DNAH1: variants seen among roughly 807,000 people sequenced by gnomAD.
DNAH1 encodes the protein dynein axonemal heavy chain 1.
In DNAH1, 327 loss-of-function variants were observed where a neutral mutation model predicts 484.3. The observed-to-expected ratio is 0.68, with a 90% CI of 0.62 to 0.74. DNAH1 has a LOEUF of 0.74. DNAH1 is among the 30% of genes least tolerant of loss of function. DNAH1 has a pLI of 0.00. For missense variants in DNAH1, 5,052 were observed against 5,546.8 expected, an observed-to-expected ratio of 0.91 and a Z score of 2.83; for synonymous variants, 2,192 against 2,191.9, an observed-to-expected ratio of 1.00 and a Z score of 0.00.
chr3:52,361,794 C>A lies in DNAH1; in HGVS notation c.4980+28C>A. 1 of 1,571,896 alleles carries A rather than the reference C, an allele frequency of 6.4e-7. No individual in the cohort carries two copies. ...GAGCCCGGGGGACCCACCTTACTCCCTCAGATCTGCCATACTCACGCCGCC... is the reference window on the plus strand; with the variant it reads ...GAGCCCGGGGGACCCACCTTACTCCATCAGATCTGCCATACTCACGCCGCC... On this transcript the variant is annotated intron_variant, in intron 30 of 77. Coordinates refer to ENST00000420323, the MANE Select transcript of DNAH1 (RefSeq NM_015512.5). The surrounding 1 kb of genome is among the most constrained non-coding windows in gnomAD (Gnocchi z 5.6).
At chr3:52,312,291 T>C (rs1370033566), upstream of DNAH1, among the ~76,000 whole-genome samples, 1 of 151,950 alleles carries the variant, frequency 6.6e-6, no homozygotes, top group Non-Finnish European at 1.5e-5. Context: ...TGAGGCCAGG[T>C]TGGGAAGAGA....
chr3:52,337,644 A>G (rs1412010254), intron 8 of DNAH1, among the ~76,000 whole-genome samples: 1 of 152,032 alleles, frequency 6.6e-6, no homozygotes, highest in Non-Finnish European at 1.5e-5. Context: ...TCTCTACATT[A>G]TATGTTTTCT....
chr3:52,374,542 TC>T, intron 44 of DNAH1: 2 of 1,498,312 alleles, frequency 1.3e-6, no homozygotes, highest in East Asian at 2.3e-5. Flanking sequence ...GAGCCCCTCT[TC>T]CGGCAGTTGG....
At chr3:52,376,131 GC>G in intron 46 of DNAH1, 138 bp downstream of exon 46, 1 of 1,089,048 alleles carries the variant, frequency 9.2e-7, no homozygotes, top group African/African-American at 1.6e-5. Flanking sequence ...CCACTAGGGT[GC>G]CAGAGCGAAG....
At chr3:52,328,641 G>A (rs1701438218) in intron 6 of DNAH1, among the ~76,000 whole-genome samples, 1 of 152,262 alleles carries the variant, frequency 6.6e-6, no homozygotes, top group Admixed American at 6.5e-5. Context: ...CCCAGGGAGT[G>A]CCCTTGGCTG....
rs772617206 is a variant in DNAH1 at position 52,370,224 on chromosome 3, A to G, written c.6253A>G (p.Arg2085Gly). ...CTGCTTCTTCAAGCCCTTTCTGCCT[A>G]GAGAGGTACAGCCCTGAGAGTGGGG... Reference protein sequence around the residue: ...LDCFFKPFLPREGLKKIPSEK... With the variant: ...LDCFFKPFLPGEGLKKIPSEK... Residue 2085 changes from arginine to glycine, a missense_variant, in exon 39 of 78, where the codon AGA (arginine) becomes GGA (glycine). Transcript: ENST00000420323. 4 of 1,613,658 alleles carry G rather than the reference A, an allele frequency of 2.5e-6. No individual in the cohort carries two copies. In the African/African-American group the frequency reaches 4.0e-5, roughly 16 times the overall value.
chr3:52,389,475 G>A lies in DNAH1; in HGVS notation c.9510G>A (p.Thr3170=), dbSNP rs200441145. 2.4e-5 allele frequency: 39 copies of A among 1,609,902 alleles called. No individual in the cohort carries two copies. Among genetic ancestry groups the A allele is most frequent in the East Asian group, 1.1e-4 (5 of 44,694 alleles). ...YLGPFTGQYR[T]VLYDSWVKQL... The stretch of plus-strand genomic sequence containing the variant: ...CATCTCCCCAGGGCCAGTACCGCAC[G>A]GTGCTCTACGACAGCTGGGTCAAGC... The change falls in exon 60 of 78, where the codon ACG becomes ACA. Residue 3170 remains threonine, a synonymous_variant. Coordinates refer to ENST00000420323, the MANE Select transcript of DNAH1 (RefSeq NM_015512.5).
intron 56 of DNAH1, 106 bp from the exon 57 acceptor site, chr3:52,388,060 AG>A: frequency 2.9e-6 from 4 of 1,402,344 alleles, no homozygotes; most frequent in Non-Finnish European, 3.9e-6. Flanking sequence ...AGGCCTGCAC[AG>A]GGCATAAAAG....
Position 52,370,701 on chromosome 3 carries a change from C to T in DNAH1, c.6418-17C>T. On this transcript the variant is annotated splice_polypyrimidine_tract_variant and intron_variant, in intron 40 of 77. Transcript: ENST00000420323. ...TACTGGGCCTCACAGCCTGCTTCTCCTCCTGGTTCCCGGCAGCTGACTCTG... is the reference window on the plus strand; with the variant it reads ...TACTGGGCCTCACAGCCTGCTTCTCTTCCTGGTTCCCGGCAGCTGACTCTG... The T allele has an allele frequency of 6.3e-7, 1 of 1,597,336 alleles. No individual in the cohort carries two copies. Among genetic ancestry groups the T allele is most frequent in the Admixed American group, 1.8e-5 (1 of 56,752 alleles).
Position 52,381,805 on chromosome 3 carries a change from C to G in DNAH1, c.7774C>G (p.Arg2592Gly), listed in dbSNP as rs983098291. The G allele has an allele frequency of 6.2e-7, 1 of 1,601,736 alleles. No homozygotes were observed. Reference protein sequence around the residue: ...ALLLGVGGSGRSSLTRLASHM... With the variant: ...ALLLGVGGSGGSSLTRLASHM... ...CCTGCTGGGCGTGGGTGGCAGCGGC[C>G]GCAGCTCCCTCACAAGGCTCGCCTC... Residue 2592 changes from arginine to glycine, a missense_variant, in exon 49 of 78, where the codon CGC becomes GGC. Around this residue, in one of 4 missense-constraint regions of DNAH1, gnomAD observed 2,929 missense variants for 3,409.4 expected, o/e 0.86. Coordinates refer to ENST00000420323, the MANE Select transcript of DNAH1 (RefSeq NM_015512.5). The surrounding 1 kb of genome is among the most constrained non-coding windows in gnomAD (Gnocchi z 4.1).
chr3:52,392,462 A>G lies in DNAH1; in HGVS notation c.10053-2A>G, dbSNP rs996834990. 3 of 1,613,092 alleles carry G rather than the reference A, an allele frequency of 1.9e-6. No homozygotes were observed. The highest frequency in any genetic ancestry group is 2.5e-6 in the Non-Finnish European group (3 of 1,179,754). ...AGACTTGGTGTCCCCTGCCCCCGGC[A>G]GTGGCCTAGAGGACCAGCTACTGGG... is the stretch of plus-strand genomic sequence containing the variant. On this transcript the variant is annotated splice_acceptor_variant, in intron 63 of 77. Transcript: ENST00000420323. LOFTEE classifies it high-confidence loss of function.
chr3:52,363,068 G>A lies in DNAH1; in HGVS notation c.5168G>A (p.Gly1723Asp). The A allele has an allele frequency of 6.2e-7, 1 of 1,613,978 alleles. No homozygotes were observed. Among genetic ancestry groups the A allele is most frequent in the Non-Finnish European group, 8.5e-7 (1 of 1,179,864 alleles). The change falls in exon 32 of 78, where the codon GGC becomes GAC. Residue 1723 changes from glycine to aspartate, a missense_variant. Coordinates refer to ENST00000420323, the MANE Select transcript of DNAH1 (RefSeq NM_015512.5). Reference sequence around the variant, plus strand: ...ACTGAGATCTCCCTCTATTCCTTTGGCTTTAATGAGGCCAGTGTGCTGGCT... The same window carrying A: ...ACTGAGATCTCCCTCTATTCCTTTGACTTTAATGAGGCCAGTGTGCTGGCT... The part of the protein sequence containing the change: ...MITEISLYSF[G>D]FNEASVLAKK...
chr3:52,326,250 C>T lies in DNAH1; in HGVS notation c.517C>T (p.Pro173Ser). The T allele has an allele frequency of 1.2e-6, 2 of 1,612,954 alleles. No individual in the cohort carries two copies. Among genetic ancestry groups the T allele is most frequent in the Non-Finnish European group, 1.7e-6 (2 of 1,179,754 alleles). ...TGACTTCCCACTGCAGGCCTACGAG[C>T]CCAAGATGCAGGTGCCTTTCCAGGT... ...QTDFPLQAYE[P>S]KMQVPFQVLP... is the part of the protein sequence containing the mutation. Residue 173 changes from proline to serine, a missense_variant, in exon 4 of 78, where the codon CCC becomes TCC. Around this residue, in one of 4 missense-constraint regions of DNAH1, gnomAD observed 1,263 missense variants for 1,218.8 expected, o/e 1.04. Transcript: ENST00000420323.
At chr3:52,393,514 G>GCCTGAGGGGTGGC (rs1277655546) in intron 66 of DNAH1, 29 bp downstream of exon 66, 12 of 1,610,658 alleles carry the variant, frequency 7.5e-6, no homozygotes, top group Non-Finnish European at 9.3e-6. Context: ...AGGACAGACT[G>GCCTGAGGGGTGGC]CCTGAGGGGT....
At position 52,364,488 on chromosome 3, in the gene DNAH1, G is replaced by T; in HGVS notation, c.5245-150G>T. ...AAAGAAGGTGCACCTGCCCAGGCTG[G>T]GCATGTAGGTGGTCCCAGCAGGTCT... On this transcript the variant is annotated intron_variant, in intron 32 of 77. Transcript: ENST00000420323. This position sits in a 1 kb window ranked among gnomAD's most constrained non-coding sequence, Gnocchi z 4.2. The T allele has an allele frequency of 1.2e-6, 1 of 849,060 alleles. No individual in the cohort carries two copies. Among genetic ancestry groups the T allele is most frequent in the Non-Finnish European group, 1.9e-6 (1 of 517,796 alleles). The allele number at this position is 849,060 out of a possible 1,614,324, so 52.6% of individuals were successfully genotyped here.
intron 66 of DNAH1, among the ~76,000 whole-genome samples, chr3:52,393,884 G>A (rs1011467935): frequency 4.6e-5 from 7 of 152,212 alleles, no homozygotes; most frequent in Admixed American, 3.9e-4. Context: ...GGAAGACAGA[G>A]CGATATTCTG....
At chr3:52,385,525 A>G (rs753095801) in intron 54 of DNAH1, 78 bp downstream of exon 54, 74 of 1,219,304 alleles carry the variant, frequency 6.1e-5, no homozygotes, top group African/African-American at 1.1e-4. Context: ...CAGGCTCGCT[A>G]GCTGCCTGGC....
rs989139509 is a variant in DNAH1, at chr3:52,357,832, G to C, written c.3981-66G>C. 1.9e-6 allele frequency: 3 copies of C among 1,584,590 alleles called. No homozygotes were observed. The African/African-American group carries it at 4.0e-5, about 21-fold the overall frequency. The stretch of plus-strand genomic sequence containing the variant: ...AGGCTAGGGTGCGGGGATGTCAGCA[G>C]GACTGGGGCAGCTGGGGCCCAGGGA... On this transcript the variant is annotated intron_variant, in intron 23 of 77. Transcript: ENST00000420323.
intron 43 of DNAH1, 25 bp downstream of exon 43, chr3:52,372,412 C>T: frequency 6.2e-7 from 1 of 1,610,860 alleles, no homozygotes. Context: ...CCTCCTTCCT[C>T]ACCCCTGCAT....
Sources: gnomAD v4.1 joint callset for allele counts (sites outside exome capture counted in the v4.1 genomes callset) on GRCh38, gnomAD v4.1.1 for gene constraint, gnomAD v4.1.1 regional missense constraint, Gnocchi (gnomAD v3.1) non-coding constraint, MANE v1.5 for transcripts, NCBI Gene and HGNC (gene_info 2026-07-23, HGNC 2026-07-21) for gene names.